ANO3: variants seen among roughly 807,000 people sequenced by gnomAD.
ANO3 encodes the protein anoctamin-3.
A neutral mutation model predicts 144.8 loss-of-function variants in ANO3; 99 were observed. The ratio of observed to expected loss-of-function variants is 0.68; its 90% CI spans 0.58 to 0.81. The LOEUF (loss-of-function observed/expected upper bound fraction) is 0.81, where lower values mean the gene tolerates loss of function less well. Among genes scored for constraint, ANO3 ranks in the 30% least tolerant of loss-of-function variants. The pLI, the probability that ANO3 is intolerant of heterozygous loss-of-function variation, is 0.00. For missense variants in ANO3, 905 were observed against 1,202.2 expected (o/e 0.75, Z 3.66); for synonymous variants, 414 against 392.6 (o/e 1.05, Z -0.64).
At chr11:26,549,339 G>A (rs1418385980) in intron 12 of ANO3, among the ~76,000 whole-genome samples, 1 of 151,910 alleles carries the variant, frequency 6.6e-6, no homozygotes, top group Non-Finnish European at 1.5e-5. Flanking sequence ...AAGATAAGCA[G>A]CACTGAATAT....
intron 1 of ANO3, among the ~76,000 whole-genome samples, chr11:26,293,050 C>A (rs1853996440): frequency 6.6e-6 from 1 of 152,180 alleles, no homozygotes. Flanking sequence ...CATCTTCACC[C>A]ACCCCATATC....
At chr11:26,199,286 T>G (rs1851647705) in intron 1 of ANO3, among the ~76,000 whole-genome samples, 1 of 152,156 alleles carries the variant, frequency 6.6e-6, no homozygotes, top group African/African-American at 2.4e-5. Context: ...TATAGAAATT[T>G]AATGGGTCCC....
At chr11:26,616,285 G>A (rs1224692111) in intron 17 of ANO3, among the ~76,000 whole-genome samples, 2 of 152,126 alleles carry the variant, frequency 1.3e-5, no homozygotes, top group African/African-American at 2.4e-5. Flanking sequence ...CCTGTTGGAG[G>A]TAATCAATGT....
rs558146143 is a variant in ANO3 at position 26,555,263 on chromosome 11, A to G, written c.1386+1918A>G. 7.2e-5 allele frequency among the ~76,000 whole-genome samples: 11 copies of G among 152,324 alleles called. No homozygotes were observed. In the South Asian group the frequency reaches 2.3e-3, roughly 32 times the overall value. Reference sequence around the variant, plus strand: ...GCAAGAACCAAGTGTGTTAAGAGTTATTAGATGTATACACATATGTCTCTC... The same window carrying G: ...GCAAGAACCAAGTGTGTTAAGAGTTGTTAGATGTATACACATATGTCTCTC... On this transcript the variant is annotated intron_variant, in intron 13 of 26. Coordinates refer to ENST00000256737, the MANE Select transcript of ANO3 (RefSeq NM_031418.4).
chr11:26,526,446 A>G (rs983324221), intron 7 of ANO3, among the ~76,000 whole-genome samples: 33 of 152,184 alleles, frequency 2.2e-4, no homozygotes, highest in African/African-American at 8.0e-4. Context: ...AAGCATGTGA[A>G]TGTGGTAGAG....
intron 1 of ANO3, among the ~76,000 whole-genome samples, chr11:26,393,103 A>C (rs549508036): frequency 6.6e-6 from 1 of 152,292 alleles, no homozygotes; most frequent in South Asian, 2.1e-4. Context: ...AATTCTAAAA[A>C]GCCATGGCTG....
At chr11:26,265,229 C>CCACTTTCACTGATTTGAATT (rs1853283967) in intron 1 of ANO3, among the ~76,000 whole-genome samples, 1 of 152,138 alleles carries the variant, frequency 6.6e-6, no homozygotes, top group South Asian at 2.1e-4. Context: ...TTCAACTTAC[C>CCACTTTCACTGATTTGAATT]CACTTTCACT....
At chr11:26,549,235 A>G (rs1158517966) in intron 12 of ANO3, among the ~76,000 whole-genome samples, 1 of 152,060 alleles carries the variant, frequency 6.6e-6, no homozygotes, top group Admixed American at 6.6e-5. Flanking sequence ...AAAAGGCATT[A>G]GTAAACTCTT....
chr11:26,429,274 C>T (rs1858009701), intron 1 of ANO3, among the ~76,000 whole-genome samples: 1 of 152,078 alleles, frequency 6.6e-6, no homozygotes, highest in African/African-American at 2.4e-5. Flanking sequence ...AGCAAACACA[C>T]TGGAACCAGA....
At chr11:26,514,241 G>A (rs1861777120) in intron 5 of ANO3, among the ~76,000 whole-genome samples, 1 of 152,016 alleles carries the variant, frequency 6.6e-6, no homozygotes, top group Non-Finnish European at 1.5e-5. Flanking sequence ...TATACAGAAG[G>A]TTTACAGAGC....
intron 4 of ANO3, among the ~76,000 whole-genome samples, chr11:26,487,130 C>G (rs1860482643): frequency 6.6e-6 from 1 of 152,178 alleles, no homozygotes; most frequent in East Asian, 1.9e-4. Context: ...TGTCCTCACC[C>G]AAATCCCAAC....
chr11:26,261,964 C>T (rs1156358180), intron 1 of ANO3, among the ~76,000 whole-genome samples: 1 of 152,154 alleles, frequency 6.6e-6, no homozygotes, highest in Non-Finnish European at 1.5e-5. Flanking sequence ...TCAGTGCTAA[C>T]AGGTTTTTGA....
intron 1 of ANO3, among the ~76,000 whole-genome samples, chr11:26,193,985 C>G (rs775763561): frequency 7.9e-5 from 12 of 152,156 alleles, no homozygotes; most frequent in Admixed American, 2.0e-4. Context: ...GTGTTTCTGA[C>G]TCCTCATATA....
chr11:26,246,884 A>G (rs1316336354), intron 1 of ANO3, among the ~76,000 whole-genome samples: 2 of 152,158 alleles, frequency 1.3e-5, no homozygotes, highest in Non-Finnish European at 2.9e-5. Flanking sequence ...ACCTTCTGCC[A>G]TGATTGTGAG....
chr11:26,464,673 G>A (rs1449252634), intron 4 of ANO3, among the ~76,000 whole-genome samples: 1 of 151,652 alleles, frequency 6.6e-6, no homozygotes, highest in African/African-American at 2.4e-5. Flanking sequence ...TAACATTAAT[G>A]ATAAGAGAAT....
intron 6 of ANO3, among the ~76,000 whole-genome samples, chr11:26,521,754 C>G (rs1195904390): frequency 6.6e-6 from 1 of 152,122 alleles, no homozygotes; most frequent in African/African-American, 2.4e-5. Context: ...TAAGAGAGTT[C>G]AGCACATTTT....
intron 17 of ANO3, among the ~76,000 whole-genome samples, chr11:26,604,128 A>G (rs1220208739): frequency 6.6e-6 from 1 of 152,014 alleles, no homozygotes; most frequent in Non-Finnish European, 1.5e-5. Context: ...ATCTGATAAC[A>G]CTTCCTCTAT....
At chr11:26,329,169 C>A (rs772345951), upstream of ANO3, among the ~76,000 whole-genome samples, 1 of 152,094 alleles carries the variant, frequency 6.6e-6, no homozygotes, top group Non-Finnish European at 1.5e-5. Flanking sequence ...AAACTGTCCA[C>A]AATGGAAATG....
intron 1 of ANO3, among the ~76,000 whole-genome samples, chr11:26,422,062 T>G (rs72886205): frequency 1.3e-5 from 2 of 151,964 alleles, no homozygotes; most frequent in Non-Finnish European, 2.9e-5. Flanking sequence ...CAAGTTTACC[T>G]ATGTAACAAA....
Sources: gnomAD v4.1 joint callset for allele counts (sites outside exome capture counted in the v4.1 genomes callset) on GRCh38, gnomAD v4.1.1 for gene constraint, MANE v1.5 for transcripts, NCBI Gene and HGNC (gene_info 2026-07-23, HGNC 2026-07-21) for gene names.